Variants in TGM4 observed in about 807,000 individuals in gnomAD.
The protein encoded by TGM4 is transglutaminase 4, also known as protein-glutamine gamma-glutamyltransferase 4.
In TGM4, 61 loss-of-function variants were observed where a neutral mutation model predicts 76.3. The ratio of observed to expected loss-of-function variants is 0.80; its 90% CI spans 0.65 to 0.99. The LOEUF is 0.99. TGM4 is among the 50% of genes least tolerant of loss of function. TGM4 has a pLI of 0.00. For missense variants in TGM4, 794 were observed against 843.2 expected (o/e 0.94, Z 0.72); for synonymous variants, 337 against 329.8 (o/e 1.02, Z -0.24).
intron 6 of TGM4, among the ~76,000 whole-genome samples, chr3:44,898,026 A>T (rs1267771299): frequency 1.3e-5 from 2 of 152,214 alleles, no homozygotes; most frequent in African/African-American, 4.8e-5. Flanking sequence ...TCAGGCCTGT[A>T]ATCCCAGCAC....
At chr3:44,900,321 T>A (rs1180676121) in intron 6 of TGM4, among the ~76,000 whole-genome samples, 2 of 152,150 alleles carry the variant, frequency 1.3e-5, no homozygotes, top group Admixed American at 6.5e-5. Flanking sequence ...CCTTTGCCTG[T>A]CTCTCTTTCA....
intron 1 of TGM4, among the ~76,000 whole-genome samples, chr3:44,877,067 G>T (rs1699460509): frequency 6.6e-6 from 1 of 152,224 alleles, no homozygotes; most frequent in African/African-American, 2.4e-5. Context: ...AAATTTGGGA[G>T]GCTGAGGTAG....
intron 4 of TGM4, among the ~76,000 whole-genome samples, chr3:44,890,960 G>A (rs1003695475): frequency 6.6e-6 from 1 of 152,098 alleles, no homozygotes; most frequent in Non-Finnish European, 1.5e-5. Flanking sequence ...CCAGTGCCTC[G>A]CCCTGCCCCA....
chr3:44,874,975 C>G (rs1699431882), intron 1 of TGM4, among the ~76,000 whole-genome samples: 1 of 152,226 alleles, frequency 6.6e-6, no homozygotes, highest in South Asian at 2.1e-4. Context: ...TTTGCTTTAT[C>G]CTTCTCGATC....
chr3:44,876,002 T>C (rs577398479), intron 1 of TGM4, among the ~76,000 whole-genome samples: 2 of 152,262 alleles, frequency 1.3e-5, no homozygotes, highest in South Asian at 4.1e-4. Context: ...GCAGGTTACA[T>C]CAATCCCGTG....
At chr3:44,911,617 T>C (rs1336568418) in intron 13 of TGM4, among the ~76,000 whole-genome samples, 2 of 152,252 alleles carry the variant, frequency 1.3e-5, no homozygotes, top group African/African-American at 4.8e-5. Flanking sequence ...AGTGGTTAAG[T>C]AATCTCATTG....
intron 1 of TGM4, among the ~76,000 whole-genome samples, chr3:44,883,528 C>T (rs1699560230): frequency 1.3e-5 from 2 of 152,204 alleles, no homozygotes; most frequent in Admixed American, 6.5e-5. Context: ...TCAGGTATTC[C>T]ATAACAGTGG....
intron 1 of TGM4, among the ~76,000 whole-genome samples, chr3:44,884,253 T>A (rs994117267): frequency 3.9e-5 from 6 of 152,078 alleles, no homozygotes; most frequent in Non-Finnish European, 7.4e-5. Context: ...AACCCCCAGG[T>A]GGTTTCAGCA....
At chr3:44,905,129 C>T (rs758211391) in intron 9 of TGM4, among the ~76,000 whole-genome samples, 35 of 151,830 alleles carry the variant, frequency 2.3e-4, no homozygotes, top group Non-Finnish European at 4.0e-4. Flanking sequence ...GGATTACAGG[C>T]GCCTGCCACC....
intron 3 of TGM4, 67 bp from the exon 4 acceptor site, chr3:44,890,536 A>G: frequency 5.1e-6 from 8 of 1,581,280 alleles, no homozygotes; most frequent in Non-Finnish European, 6.9e-6. Flanking sequence ...TTCTTCTGGG[A>G]AGCATTTGTA....
chr3:44,893,165 T>C (rs1331931710), intron 4 of TGM4, among the ~76,000 whole-genome samples: 2 of 152,172 alleles, frequency 1.3e-5, no homozygotes, highest in African/African-American at 2.4e-5. Flanking sequence ...CTTCAACCAT[T>C]CTTCACTGTG....
chr3:44,880,982 C>T (rs1393473617), intron 1 of TGM4, among the ~76,000 whole-genome samples: 4 of 152,188 alleles, frequency 2.6e-5, no homozygotes, highest in Non-Finnish European at 4.4e-5. Context: ...TTTTTGGAGG[C>T]TGAGGCAGGA....
intron 5 of TGM4, 68 bp from the exon 6 acceptor site, chr3:44,896,641 A>G (rs1480444138): frequency 6.9e-7 from 1 of 1,450,628 alleles, no homozygotes; most frequent in Non-Finnish European, 9.7e-7. Context: ...TGCAAATTAG[A>G]TGGTATGTGT....
chr3:44,893,567 C>T lies in TGM4; in HGVS notation c.431-10C>T, dbSNP rs1699732514. On this transcript the variant is annotated splice_polypyrimidine_tract_variant and intron_variant, in intron 4 of 13. Transcript: ENST00000296125. ...AATATAACCTCTGTGGATGTGTGGTCTTGCTTCAGAGGACATGGTTTTCAT... is the reference window on the plus strand; with the variant it reads ...AATATAACCTCTGTGGATGTGTGGTTTTGCTTCAGAGGACATGGTTTTCAT... 3.1e-6 allele frequency: 5 copies of T among 1,610,844 alleles called. No homozygotes were observed. Among genetic ancestry groups the T allele is most frequent in the East Asian group, 2.2e-5 (1 of 44,874 alleles).
At chr3:44,887,868 T>A (rs749286157) in intron 3 of TGM4, 73 bp downstream of exon 3, 54 of 1,321,678 alleles carry the variant, frequency 4.1e-5, no homozygotes, top group Non-Finnish European at 4.3e-6. Flanking sequence ...GCAGCCCCTA[T>A]CCCCTTCCTC....
chr3:44,889,889 C>T (rs1699665464), intron 3 of TGM4, among the ~76,000 whole-genome samples: 1 of 152,120 alleles, frequency 6.6e-6, no homozygotes, highest in East Asian at 1.9e-4. Context: ...TTGTACTACT[C>T]TACTACTCTA....
chr3:44,899,110 A>G (rs75782645), intron 6 of TGM4: 14,207 of 152,232 alleles, frequency 0.093, 778 homozygotes, highest in South Asian at 0.18. Flanking sequence ...AGGTCTCAAT[A>G]ACACACAACA....
rs763114605 is a variant in TGM4, at chr3:44,911,417, C to T, written c.1913+11C>T. ...GACCTCTGACCATGGGTGAGTCTGC[C>T]TGAGGTATTCTTAGAAATATGCTTC... On this transcript the variant is annotated intron_variant, in intron 13 of 13. Coordinates refer to ENST00000296125, the MANE Select transcript of TGM4 (RefSeq NM_003241.4). The T allele has an allele frequency of 6.8e-6, 11 of 1,613,400 alleles. No homozygotes were observed. The highest frequency in any genetic ancestry group is 9.3e-6 in the Non-Finnish European group (11 of 1,179,816).
In TGM4 at chr3:44,913,854, AG is replaced by A; in HGVS notation, c.*131del. On this transcript the variant is annotated 3_prime_UTR_variant, in exon 14 of 14. Coordinates refer to ENST00000296125, the MANE Select transcript of TGM4 (RefSeq NM_003241.4). ...AGATTCAAGAGCCAGCAGGTCAAAAAGGCCAACACAACCATAAGCAGCCAGA... is the reference window on the plus strand; with the variant it reads ...AGATTCAAGAGCCAGCAGGTCAAAAAGCCAACACAACCATAAGCAGCCAGA... 7.6e-7 allele frequency: 1 copy of A among 1,315,752 alleles called. No individual in the cohort carries two copies. The highest frequency in any genetic ancestry group is 1.0e-6 in the Non-Finnish European group (1 of 964,624). The allele number at this position is 1,315,752 out of a possible 1,614,324, so 81.5% of individuals were successfully genotyped here. A position where few individuals can be genotyped will look rare whatever the true frequency, so the allele number is the denominator to read the frequency against.
Sources: gnomAD v4.1 joint callset for allele counts (sites outside exome capture counted in the v4.1 genomes callset) on GRCh38, gnomAD v4.1.1 for gene constraint, MANE v1.5 for transcripts, NCBI Gene and HGNC (gene_info 2026-07-23, HGNC 2026-07-21) for gene names.